KHDRBS2: variants seen among roughly 807,000 people sequenced by gnomAD.
The protein encoded by KHDRBS2 is KH RNA binding domain containing, signal transduction associated 2, also known as KH domain-containing, RNA-binding, signal transduction-associated protein 2.
KHDRBS2 carries 26 observed loss-of-function variants against 44.3 expected under a neutral mutation model. The observed-to-expected ratio is 0.59, with a 90% CI of 0.43 to 0.81. The LOEUF is 0.81. KHDRBS2 is among the 40% of genes least tolerant of loss of function. The probability of loss-of-function intolerance (pLI) is 0.00; values close to 1 mark genes in which losing one functional copy is unlikely to be tolerated. For synonymous variants in KHDRBS2, 194 were observed against 151.1 expected, an observed-to-expected ratio of 1.28 and a Z score of -2.08; for missense variants, 476 against 433.1, an observed-to-expected ratio of 1.10 and a Z score of -0.88.
At chr6:62,255,939 C>G (rs1336680912) in intron 1 of KHDRBS2, among the ~76,000 whole-genome samples, 9 of 151,908 alleles carry the variant, frequency 5.9e-5, no homozygotes, top group African/African-American at 1.9e-4. Context: ...CCACACCAGC[C>G]TGGCCAACAT....
At chr6:62,013,581 A>T (rs1309600218) in intron 3 of KHDRBS2, among the ~76,000 whole-genome samples, 3 of 152,128 alleles carry the variant, frequency 2.0e-5, no homozygotes, top group Non-Finnish European at 4.4e-5. Context: ...TTTTATTTAA[A>T]TTACTATTAT....
chr6:62,135,509 C>T (rs1485253497), intron 2 of KHDRBS2, among the ~76,000 whole-genome samples: 4 of 152,050 alleles, frequency 2.6e-5, no homozygotes, highest in Non-Finnish European at 5.9e-5. Context: ...ACTGTATGAC[C>T]CACGTATACC....
chr6:61,602,374 C>T, the KHDRBS2 span, among the ~76,000 whole-genome samples: 14 of 152,150 alleles, frequency 9.2e-5, no homozygotes, highest in Non-Finnish European at 1.0e-4. Context: ...GATCTTGCTA[C>T]GAGTGCCAGA....
At chr6:61,955,378 A>T in intron 4 of KHDRBS2, among the ~76,000 whole-genome samples, 1 of 114,948 alleles carries the variant, frequency 8.7e-6, no homozygotes, top group Non-Finnish European at 1.8e-5. Context: ...ACGTGTATAT[A>T]TACACATACG....
intron 6 of KHDRBS2, among the ~76,000 whole-genome samples, chr6:61,862,428 C>G (rs916576255): frequency 2.0e-5 from 3 of 152,072 alleles, no homozygotes; most frequent in Non-Finnish European, 2.9e-5. Context: ...CAGCTTTTGC[C>G]CATTCAGTAC....
At chr6:61,547,849 C>A in the KHDRBS2 span, among the ~76,000 whole-genome samples, 1 of 152,058 alleles carries the variant, frequency 6.6e-6, no homozygotes, top group East Asian at 1.9e-4. Flanking sequence ...CCAAAAAGTC[C>A]AATTTCTCTG....
At chr6:62,123,113 T>G (rs143610059) in intron 2 of KHDRBS2, among the ~76,000 whole-genome samples, 1 of 152,268 alleles carries the variant, frequency 6.6e-6, no homozygotes, top group African/African-American at 2.4e-5. Context: ...ATGTTCTCAT[T>G]GTTCAACTCT....
chr6:61,746,994 A>T (rs12529040), intron 6 of KHDRBS2, among the ~76,000 whole-genome samples: 57,348 of 151,314 alleles, frequency 0.38, 11,995 homozygotes, highest in African/African-American at 0.57. Context: ...CAAAGGTTTA[A>T]TATCCAGAAT....
chr6:61,710,110 G>T (rs11750997), intron 7 of KHDRBS2, among the ~76,000 whole-genome samples: 2 of 151,558 alleles, frequency 1.3e-5, no homozygotes, highest in South Asian at 4.2e-4. Context: ...TCAGACTTTA[G>T]AAATTTAAAT....
At chr6:61,761,758 G>T (rs1378417313) in intron 6 of KHDRBS2, among the ~76,000 whole-genome samples, 2 of 152,258 alleles carry the variant, frequency 1.3e-5, no homozygotes, top group East Asian at 3.9e-4. Flanking sequence ...TTTGTAAAAT[G>T]GTGATACTAA....
chr6:61,553,091 T>C, the KHDRBS2 span, among the ~76,000 whole-genome samples: 2 of 152,222 alleles, frequency 1.3e-5, no homozygotes, highest in Non-Finnish European at 2.9e-5. Context: ...TGCTCTTCTT[T>C]ATACAAGTGG....
At chr6:61,692,120 G>T (rs1204126) in intron 8 of KHDRBS2, among the ~76,000 whole-genome samples, 92,850 of 151,974 alleles carry the variant, frequency 0.61, 29,653 homozygotes, top group Non-Finnish European at 0.7. Flanking sequence ...ATGTGAAGCA[G>T]TGCTTAGCCA....
chr6:61,637,884 TG>T, the KHDRBS2 span, among the ~76,000 whole-genome samples: 1 of 152,148 alleles, frequency 6.6e-6, no homozygotes, highest in Non-Finnish European at 1.5e-5. Context: ...TGGGGGTGTT[TG>T]TTTTTTTCTT....
rs115771740 is a variant in KHDRBS2 at position 61,832,436 on chromosome 6, A to C, written c.810+62199T>G. ...AAGCTTCAAGTAACTTCAAAAGTGC[A>C]AATAATTTGATAAGGTAAATAAAAG... On this transcript the variant is annotated intron_variant, in intron 6 of 8. Transcript: ENST00000281156. Among the ~76,000 whole-genome samples, 307 of 152,270 alleles carry C rather than the reference A, an allele frequency of 2.0e-3. 3 individuals are homozygous for C. The highest frequency in any genetic ancestry group is 6.6e-3 in the African/African-American group (276 of 41,534).
intron 3 of KHDRBS2, among the ~76,000 whole-genome samples, chr6:61,989,057 A>G (rs1481861284): frequency 6.6e-6 from 1 of 152,220 alleles, no homozygotes; most frequent in African/African-American, 2.4e-5. Flanking sequence ...CAAATTAAAA[A>G]TCAGAGGCTA....
intron 3 of KHDRBS2, among the ~76,000 whole-genome samples, chr6:61,993,431 T>G (rs1776516928): frequency 6.6e-6 from 1 of 151,778 alleles, no homozygotes; most frequent in Non-Finnish European, 1.5e-5. Flanking sequence ...GTATTTGTCC[T>G]ATAGAACTGA....
At chr6:61,597,773 T>TATATATATATAGATATATATATAC in the KHDRBS2 span, among the ~76,000 whole-genome samples, 1 of 42,330 alleles carries the variant, frequency 2.4e-5, no homozygotes, top group Non-Finnish European at 4.8e-5. Context: ...TATATATATA[T>TATATATATATAGATATATATATAC]ACACCAAGAT....
At chr6:61,992,603 G>T (rs1776338906) in intron 3 of KHDRBS2, among the ~76,000 whole-genome samples, 1 of 152,178 alleles carries the variant, frequency 6.6e-6, no homozygotes. Flanking sequence ...ATGTGTGTGT[G>T]TGTGTGTTTG....
At chr6:61,985,243 G>T (rs1186269368) in intron 3 of KHDRBS2, among the ~76,000 whole-genome samples, 2 of 151,836 alleles carry the variant, frequency 1.3e-5, no homozygotes, top group African/African-American at 4.8e-5. Flanking sequence ...TAGTAATATG[G>T]GTTAGCCTCA....
Sources: allele counts gnomAD v4.1 joint callset (sites outside exome capture counted in the v4.1 genomes callset), GRCh38; gene constraint gnomAD v4.1.1; transcripts MANE v1.5; gene names NCBI Gene and HGNC (gene_info 2026-07-23, HGNC 2026-07-21).